PCNX2: variants seen among roughly 807,000 people sequenced by gnomAD.
The protein encoded by PCNX2 is pecanex 2.
A neutral mutation model predicts 223.8 loss-of-function variants in PCNX2; 168 were observed. That is an observed-to-expected ratio of 0.75 (90% CI 0.66 to 0.85). The LOEUF is 0.85. Ranked by LOEUF, PCNX2 falls within the 40% of genes least tolerant of loss-of-function variation. The probability of loss-of-function intolerance (pLI) is 0.00; values close to 1 mark genes in which losing one functional copy is unlikely to be tolerated. For missense variants in PCNX2, 2,507 were observed against 2,675.5 expected, an observed-to-expected ratio of 0.94 and a Z score of 1.39; for synonymous variants, 1,006 against 1,052.6, an observed-to-expected ratio of 0.96 and a Z score of 0.86.
At chr1:232,984,580 GC>G (rs1558140961) in intron 33 of PCNX2, 103 bp from the exon 34 acceptor site, 1 of 1,309,396 alleles carries the variant, frequency 7.6e-7, no homozygotes, top group African/African-American at 1.5e-5. Context: ...AAAGGCTAGC[GC>G]TGCCATATCC....
intron 26 of PCNX2, among the ~76,000 whole-genome samples, chr1:233,023,590 C>G (rs1004324803): frequency 2.0e-5 from 3 of 152,204 alleles, no homozygotes; most frequent in African/African-American, 7.2e-5. Flanking sequence ...TCATGGCTCA[C>G]TGCCAAATCT....
chr1:233,160,138 A>T, intron 19 of PCNX2, 145 bp downstream of exon 19: 2 of 855,588 alleles, frequency 2.3e-6, no homozygotes, highest in Non-Finnish European at 3.5e-6. Flanking sequence ...TTATTGTGGT[A>T]AAATACACAT....
At chr1:233,042,874 AT>A (rs1163578743) in intron 25 of PCNX2, among the ~76,000 whole-genome samples, 1 of 152,224 alleles carries the variant, frequency 6.6e-6, no homozygotes, top group African/African-American at 2.4e-5. Flanking sequence ...AATAAACACT[AT>A]GATACAAATT....
Position 232,986,268 on chromosome 1 carries a change from C to T in PCNX2, c.6064G>A (p.Gly2022Ser), listed in dbSNP as rs767431518. 6.4e-7 allele frequency: 1 copy of T among 1,561,892 alleles called. No individual in the cohort carries two copies. The highest frequency in any genetic ancestry group is 1.2e-5 in the South Asian group (1 of 84,800). ...CTCAGGGTGGAGCTGGTGGAGGAGC[C>T]CAGGCTGGACCTGATGAGCGCCTCG... is the stretch of plus-strand genomic sequence containing the variant. ...RAEALIRSSL[G>S]SSTSSTLSFL... The change falls in exon 33 of 34, where the codon GGC becomes AGC. Residue 2022 changes from glycine to serine, a missense_variant. Coordinates refer to ENST00000258229, the MANE Select transcript of PCNX2 (RefSeq NM_014801.4).
At chr1:233,163,326 A>G (rs1678606276) in intron 17 of PCNX2, among the ~76,000 whole-genome samples, 2 of 151,714 alleles carry the variant, frequency 1.3e-5, no homozygotes, top group African/African-American at 4.8e-5. Flanking sequence ...TGTCTCTACT[A>G]AAATACAAAA....
At chr1:233,141,075 TA>T (rs1442085012) in intron 19 of PCNX2, among the ~76,000 whole-genome samples, 3 of 152,092 alleles carry the variant, frequency 2.0e-5, no homozygotes, top group Non-Finnish European at 4.4e-5. Flanking sequence ...GACCTAGAGT[TA>T]AAAAGAGAGT....
At chr1:233,141,763 G>C (rs1385305924) in intron 19 of PCNX2, among the ~76,000 whole-genome samples, 1 of 127,094 alleles carries the variant, frequency 7.9e-6, no homozygotes. Context: ...ATATGTGTGT[G>C]TATATGTATA....
At chr1:233,028,647 G>C (rs1449458830) in intron 25 of PCNX2, among the ~76,000 whole-genome samples, 2 of 152,092 alleles carry the variant, frequency 1.3e-5, no homozygotes, top group African/African-American at 4.8e-5. Context: ...GATCTTTATA[G>C]TTAAAACATC....
rs558376367 is a variant in PCNX2, at chr1:233,295,686, G to C, written c.-208C>G. 4.2e-6 allele frequency: 2 copies of C among 476,046 alleles called. No homozygotes were observed. The highest frequency in any genetic ancestry group is 4.1e-5 in the East Asian group (1 of 24,584). 29.5% of individuals were successfully genotyped at this position (476,046 alleles called of 1,614,324 possible). A position where few individuals can be genotyped will look rare whatever the true frequency, so the allele number is the denominator to read the frequency against. On this transcript the variant is annotated 5_prime_UTR_variant, in exon 1 of 34. Transcript: ENST00000258229. This position sits in a 1 kb window ranked among gnomAD's most constrained non-coding sequence, Gnocchi z 4.1. ...CCCGCGAACCGCGGCGCCGGAGCCG[G>C]CTGCTGCGGCCGGGCAGGTGAGCGC...
intron 21 of PCNX2, among the ~76,000 whole-genome samples, chr1:233,127,195 T>C (rs972147078): frequency 1.3e-5 from 2 of 152,178 alleles, no homozygotes; most frequent in African/African-American, 4.8e-5. Context: ...GATATAGGAA[T>C]GAAGTCCAAA....
chr1:233,078,241 TC>T (rs960962365), intron 23 of PCNX2, among the ~76,000 whole-genome samples: 1 of 152,202 alleles, frequency 6.6e-6, no homozygotes, highest in Non-Finnish European at 1.5e-5. Context: ...CCGTGGAGTG[TC>T]CTGTGACAGT....
At chr1:233,032,973 C>A in intron 25 of PCNX2, 1 of 984,544 alleles carries the variant, frequency 1.0e-6, no homozygotes, top group Non-Finnish European at 1.2e-6. Flanking sequence ...GCACTAATTG[C>A]GTTGTCCAAA....
intron 23 of PCNX2, among the ~76,000 whole-genome samples, chr1:233,087,779 G>T (rs1242573055): frequency 6.6e-6 from 1 of 152,100 alleles, no homozygotes; most frequent in African/African-American, 2.4e-5. Flanking sequence ...CTCTCCTGCA[G>T]CAGAATTGAA....
intron 23 of PCNX2, among the ~76,000 whole-genome samples, chr1:233,070,927 C>A (rs1428918271): frequency 6.6e-6 from 1 of 152,114 alleles, no homozygotes; most frequent in Non-Finnish European, 1.5e-5. Flanking sequence ...ATCCCAGCTA[C>A]TGGGGAGGCT....
chr1:233,238,647 C>G lies in PCNX2; in HGVS notation c.2223-1667G>C, dbSNP rs1308301050. On this transcript the variant is annotated intron_variant, in intron 8 of 33. Transcript: ENST00000258229. ...GGTCTAGGCTGCAGTAAGCCATCAT[C>G]ATGCCACTGCACTACAGCCTATGTG... Among the ~76,000 whole-genome samples the G allele has an allele frequency of 8.9e-5, 13 of 145,748 alleles. No individual in the cohort carries two copies. In the Admixed American group the frequency reaches 9.0e-4, roughly 10 times the overall value.
At chr1:233,240,573 G>A (rs558577672) in intron 8 of PCNX2, among the ~76,000 whole-genome samples, 10 of 152,258 alleles carry the variant, frequency 6.6e-5, no homozygotes, top group Admixed American at 2.0e-4. Flanking sequence ...CAATTATCCC[G>A]TTCTCTGGTG....
At chr1:233,097,378 A>T (rs930304084) in intron 21 of PCNX2, among the ~76,000 whole-genome samples, 1 of 152,078 alleles carries the variant, frequency 6.6e-6, no homozygotes, top group Non-Finnish European at 1.5e-5. Context: ...ATGACAGGAA[A>T]ACTAGATGAT....
chr1:233,032,407 GT>G (rs1473237633), intron 25 of PCNX2, among the ~76,000 whole-genome samples: 2 of 152,076 alleles, frequency 1.3e-5, no homozygotes, highest in African/African-American at 4.8e-5. Flanking sequence ...CCAGCCGACA[GT>G]TTTCAGAAAT....
intron 23 of PCNX2, among the ~76,000 whole-genome samples, chr1:233,075,075 T>C (rs1673032683): frequency 6.6e-6 from 1 of 152,190 alleles, no homozygotes; most frequent in Non-Finnish European, 1.5e-5. Flanking sequence ...GCAATGGCAT[T>C]CTTGGAAATT....
Sources: gnomAD v4.1 joint callset for allele counts (sites outside exome capture counted in the v4.1 genomes callset) on GRCh38, gnomAD v4.1.1 for gene constraint, Gnocchi (gnomAD v3.1) non-coding constraint, MANE v1.5 for transcripts, NCBI Gene and HGNC (gene_info 2026-07-23, HGNC 2026-07-21) for gene names.